CPNE4: variants seen among roughly 807,000 people sequenced by gnomAD.
CPNE4 encodes the protein copine-4.
In CPNE4, 25 loss-of-function variants were observed where a neutral mutation model predicts 67.9. The ratio of observed to expected loss-of-function variants is 0.37; its 90% confidence interval spans 0.27 to 0.51. CPNE4 has a LOEUF of 0.51. CPNE4 is among the 20% of genes least tolerant of loss of function. The pLI is 0.93. For missense variants in CPNE4, 464 were observed against 690.8 expected (o/e 0.67, Z 3.68); for synonymous variants, 242 against 244.9 (o/e 0.99, Z 0.11).
intron 2 of CPNE4, among the ~76,000 whole-genome samples, chr3:131,870,542 T>A (rs1292005867): frequency 6.6e-6 from 1 of 152,068 alleles, no homozygotes; most frequent in African/African-American, 2.4e-5. Flanking sequence ...AGGAGAAAAG[T>A]CCAATAAACT....
intron 2 of CPNE4, among the ~76,000 whole-genome samples, chr3:131,830,379 G>T (rs949531072): frequency 1.3e-5 from 2 of 151,960 alleles, no homozygotes; most frequent in African/African-American, 4.8e-5. Context: ...CAGCTGACAG[G>T]GTGAATCTTT....
chr3:131,724,596 G>A (rs769472379), intron 2 of CPNE4, among the ~76,000 whole-genome samples: 1 of 152,174 alleles, frequency 6.6e-6, no homozygotes, highest in Non-Finnish European at 1.5e-5. Flanking sequence ...AGAACAGAGA[G>A]GTGCAGGCAT....
intron 2 of CPNE4, among the ~76,000 whole-genome samples, chr3:131,856,502 CTG>C (rs1156249788): frequency 6.6e-6 from 1 of 151,964 alleles, no homozygotes; most frequent in Non-Finnish European, 1.5e-5. Context: ...TTCTAACACT[CTG>C]TAGTTGTACA....
chr3:131,744,687 T>C lies in CPNE4; in HGVS notation c.181-21062A>G, dbSNP rs143439786. 1.5e-3 allele frequency among the ~76,000 whole-genome samples: 229 copies of C among 152,350 alleles called. 1 individual carries two copies. Among genetic ancestry groups the C allele is most frequent in the African/African-American group, 5.3e-3 (222 of 41,572 alleles). ...ATGTTATTTAAATTGACTCATACAG[T>C]ATGTAAGCTCTTCAGATTAGCTTTT... On this transcript the variant is annotated intron_variant, in intron 2 of 15. Coordinates refer to ENST00000429747, the MANE Select transcript of CPNE4 (RefSeq NM_130808.3).
At chr3:131,709,433 T>C (rs942762344) in intron 3 of CPNE4, among the ~76,000 whole-genome samples, 4 of 152,226 alleles carry the variant, frequency 2.6e-5, no homozygotes, top group African/African-American at 9.6e-5. Context: ...CTGGTGAACG[T>C]GGGGACCCAA....
intron 1 of CPNE4, among the ~76,000 whole-genome samples, chr3:131,906,402 CCCT>C (rs1342601015): frequency 1.6e-5 from 2 of 123,418 alleles, no homozygotes; most frequent in African/African-American, 5.9e-5. Flanking sequence ...ATCCCTCCCC[CCCT>C]CCCCCCACCC....
upstream of CPNE4, chr3:132,037,717 G>C (rs2074363606): frequency 5.4e-6 from 5 of 923,806 alleles, no homozygotes; most frequent in Non-Finnish European, 8.4e-6. Flanking sequence ...GTTTCTGTTT[G>C]ATAAGATAAG....
chr3:131,854,336 T>A (rs746435420), intron 2 of CPNE4, among the ~76,000 whole-genome samples: 8 of 151,808 alleles, frequency 5.3e-5, no homozygotes, highest in Non-Finnish European at 1.0e-4. Flanking sequence ...GATAGAAATC[T>A]GAGTAGTGGT....
chr3:131,895,790 G>A (rs571295354), intron 2 of CPNE4, among the ~76,000 whole-genome samples: 5 of 152,080 alleles, frequency 3.3e-5, no homozygotes, highest in African/African-American at 1.2e-4. Context: ...GCTACCTCAG[G>A]ACACAATTTG....
chr3:131,633,622 T>A (rs2079294212), intron 7 of CPNE4, among the ~76,000 whole-genome samples: 1 of 152,170 alleles, frequency 6.6e-6, no homozygotes, highest in African/African-American at 2.4e-5. Flanking sequence ...TACTTGGAAC[T>A]AAGTGACAAT....
chr3:132,034,318 C>G (rs1407571552), intron 1 of CPNE4, among the ~76,000 whole-genome samples: 1 of 152,186 alleles, frequency 6.6e-6, no homozygotes, highest in African/African-American at 2.4e-5. Context: ...CTCCCCAACT[C>G]CATTCGCCCC....
intron 2 of CPNE4, among the ~76,000 whole-genome samples, chr3:131,820,701 A>T (rs1255158637): frequency 6.6e-6 from 1 of 152,226 alleles, no homozygotes; most frequent in Non-Finnish European, 1.5e-5. Context: ...AATAACTTTC[A>T]GTATTTTGTT....
At chr3:131,982,158 T>C (rs1421598158) in intron 1 of CPNE4, among the ~76,000 whole-genome samples, 3 of 152,218 alleles carry the variant, frequency 2.0e-5, no homozygotes, top group African/African-American at 7.2e-5. Flanking sequence ...CTGAAAGCTC[T>C]GGAACCTTGC....
At chr3:131,866,005 G>A (rs2086933217) in intron 2 of CPNE4, among the ~76,000 whole-genome samples, 1 of 152,160 alleles carries the variant, frequency 6.6e-6, no homozygotes, top group African/African-American at 2.4e-5. Context: ...ATTGCTTGTG[G>A]GCCACTCCAG....
rs1204564773 is a variant in CPNE4, at chr3:131,977,158, A to G, written c.-2+57409T>C. Among the ~76,000 whole-genome samples, 3 of 152,278 alleles carry G rather than the reference A, an allele frequency of 2.0e-5. No homozygotes were observed. The South Asian group carries it at 6.2e-4, about 32-fold the overall frequency. ...AAACTTCCTCATTCTTTTTCCTAAG[A>G]GTCTTTGTAAAGATGAAAATCAAAT... On this transcript the variant is annotated intron_variant, in intron 1 of 15. Transcript: ENST00000429747.
chr3:131,743,549 A>G (rs1015014064), intron 2 of CPNE4, among the ~76,000 whole-genome samples: 1 of 152,218 alleles, frequency 6.6e-6, no homozygotes, highest in Non-Finnish European at 1.5e-5. Context: ...CCAGTGGTGC[A>G]CACAAAAATA....
chr3:131,758,786 A>G (rs1417381531), intron 2 of CPNE4, among the ~76,000 whole-genome samples: 2 of 152,076 alleles, frequency 1.3e-5, no homozygotes, highest in African/African-American at 4.8e-5. Context: ...GGTCTTTCCC[A>G]TGCTATTCTC....
intron 2 of CPNE4, among the ~76,000 whole-genome samples, chr3:131,855,147 A>G (rs2086389325): frequency 6.6e-6 from 1 of 151,978 alleles, no homozygotes; most frequent in Non-Finnish European, 1.5e-5. Flanking sequence ...TCAAGAAAAT[A>G]GGATGGGTGC....
intron 2 of CPNE4, among the ~76,000 whole-genome samples, chr3:131,771,525 C>A (rs1378736286): frequency 6.6e-6 from 1 of 152,044 alleles, no homozygotes; most frequent in African/African-American, 2.4e-5. Flanking sequence ...CCTCCCCTCT[C>A]CCCTCTTGCT....
Sources: allele counts gnomAD v4.1 joint callset (sites outside exome capture counted in the v4.1 genomes callset), GRCh38; gene constraint gnomAD v4.1.1; transcripts MANE v1.5; gene names NCBI Gene and HGNC (gene_info 2026-07-23, HGNC 2026-07-21).